Variants in CAST observed in about 807,000 individuals in gnomAD.
CAST encodes the protein MIR583 host.
A neutral mutation model predicts 119.6 loss-of-function variants in CAST; 76 were observed. The observed-to-expected ratio is 0.64, with a 90% CI of 0.53 to 0.77. CAST has a LOEUF of 0.77. Among genes scored for constraint, CAST ranks in the 30% least tolerant of loss-of-function variants. The pLI, the probability that CAST is intolerant of heterozygous loss-of-function variation, is 0.00. For missense variants in CAST, 953 were observed against 946.5 expected, an observed-to-expected ratio of 1.01 and a Z score of -0.09; for synonymous variants, 319 against 331.6, an observed-to-expected ratio of 0.96 and a Z score of 0.41.
At chr5:96,497,434 A>T in the CAST span, among the ~76,000 whole-genome samples, 1 of 152,152 alleles carries the variant, frequency 6.6e-6, no homozygotes. Context: ...AGGAATCGCC[A>T]CACTGACTTC....
intron 24 of CAST, chr5:96,761,832 G>A (rs539670958): frequency 6.5e-6 from 1 of 154,590 alleles, no homozygotes; most frequent in Admixed American, 6.5e-5. Flanking sequence ...CAAGGCCATG[G>A]GAAAACAGGC....
chr5:96,110,812 T>C, the CAST span: 1 of 152,188 alleles, frequency 6.6e-6, no homozygotes, highest in Non-Finnish European at 1.5e-5. Flanking sequence ...CACAATCAGA[T>C]GAGTATAGCT....
the CAST span, among the ~76,000 whole-genome samples, chr5:96,468,327 C>G: frequency 1.3e-5 from 2 of 152,008 alleles, no homozygotes; most frequent in Non-Finnish European, 1.5e-5. Context: ...GACTTCACCA[C>G]TATACAATTC....
At chr5:96,150,596 A>G in the CAST span, among the ~76,000 whole-genome samples, 1 of 152,186 alleles carries the variant, frequency 6.6e-6, no homozygotes, top group Non-Finnish European at 1.5e-5. Flanking sequence ...TGTATTGAGA[A>G]TGGCCAGCCC....
the CAST span, among the ~76,000 whole-genome samples, chr5:96,384,939 CT>C: frequency 6.6e-6 from 1 of 152,232 alleles, no homozygotes; most frequent in East Asian, 1.9e-4. Context: ...CTTGGGCATC[CT>C]TTTTAAACAT....
chr5:96,413,963 C>CAA, the CAST span, among the ~76,000 whole-genome samples: 216 of 22,422 alleles, frequency 9.6e-3, 6 homozygotes, highest in African/African-American at 0.017. Flanking sequence ...ACTAAAAATA[C>CAA]AAAAAAAAAA....
chr5:96,458,468 T>C, the CAST span, among the ~76,000 whole-genome samples: 3 of 152,212 alleles, frequency 2.0e-5, no homozygotes, highest in African/African-American at 7.2e-5. Flanking sequence ...AACACATAGT[T>C]GCCAACTTTC....
chr5:96,660,130 C>G (rs1161278435), upstream of CAST, among the ~76,000 whole-genome samples: 1 of 152,178 alleles, frequency 6.6e-6, no homozygotes, highest in Non-Finnish European at 1.5e-5. Context: ...ATTACTTACT[C>G]CATTACATAG....
chr5:96,584,534 TAAAAC>T (rs1273232003), intron 1 of CAST: 1 of 152,040 alleles, frequency 6.6e-6, no homozygotes, highest in Non-Finnish European at 1.5e-5. Context: ...ATCAGGAAAA[TAAAAC>T]AAAATCACTC....
At chr5:96,410,948 C>G in the CAST span, 1 of 1,613,914 alleles carries the variant, frequency 6.2e-7, no homozygotes, top group South Asian at 1.1e-5. Flanking sequence ...CCCCGTTTCC[C>G]GAAGCCCAGA....
intron 1 of CAST, among the ~76,000 whole-genome samples, chr5:96,540,088 A>G (rs1003889997): frequency 1.3e-5 from 2 of 151,888 alleles, no homozygotes; most frequent in African/African-American, 2.4e-5. Context: ...ATATATTCCC[A>G]TTTCTCCCCT....
the CAST span, among the ~76,000 whole-genome samples, chr5:95,967,823 C>T: frequency 6.6e-6 from 1 of 152,154 alleles, no homozygotes; most frequent in East Asian, 1.9e-4. Flanking sequence ...AGCATGAGAA[C>T]AGACTAATAC....
intron 1 of CAST, among the ~76,000 whole-genome samples, chr5:96,638,643 A>C (rs931849125): frequency 6.6e-6 from 1 of 152,042 alleles, no homozygotes; most frequent in Non-Finnish European, 1.5e-5. Flanking sequence ...GGCTTGAACG[A>C]TTTTGTTCTG....
the CAST span, among the ~76,000 whole-genome samples, chr5:96,230,675 G>T: frequency 6.6e-6 from 1 of 152,202 alleles, no homozygotes; most frequent in East Asian, 1.9e-4. Context: ...AAACGTTTAT[G>T]TTTCAAAGTA....
chr5:96,394,752 C>T, the CAST span: 2 of 902,422 alleles, frequency 2.2e-6, no homozygotes, highest in East Asian at 2.4e-5. Flanking sequence ...ACTTCTTATC[C>T]TCCCCATCCA....
chr5:96,312,940 C>T, the CAST span, among the ~76,000 whole-genome samples: 5 of 152,030 alleles, frequency 3.3e-5, no homozygotes, highest in Non-Finnish European at 5.9e-5. Flanking sequence ...GCTTCAGAGA[C>T]GAGACATTTG....
chr5:95,979,007 G>T, the CAST span, among the ~76,000 whole-genome samples: 3 of 152,054 alleles, frequency 2.0e-5, no homozygotes, highest in African/African-American at 7.2e-5. Flanking sequence ...GTGAACTGGT[G>T]GCAGTATCCA....
the CAST span, among the ~76,000 whole-genome samples, chr5:96,276,520 T>C: frequency 6.6e-6 from 1 of 152,176 alleles, no homozygotes; most frequent in East Asian, 1.9e-4. Context: ...TTGAAGATGG[T>C]AAAAAAATGT....
the CAST span, among the ~76,000 whole-genome samples, chr5:96,189,441 A>C: frequency 4.6e-5 from 7 of 152,260 alleles, no homozygotes; most frequent in Middle Eastern, 0.01. Flanking sequence ...TTTATTCCTC[A>C]ATATATGTCT....
Sources: allele counts gnomAD v4.1 joint callset (sites outside exome capture counted in the v4.1 genomes callset), GRCh38; gene constraint gnomAD v4.1.1; transcripts MANE v1.5; gene names NCBI Gene and HGNC (gene_info 2026-07-23, HGNC 2026-07-21).